PSD3: variants seen among roughly 807,000 people sequenced by gnomAD.
The protein encoded by PSD3 is pleckstrin and Sec7 domain containing 3, also known as PH and SEC7 domain-containing protein 3.
In PSD3, 49 loss-of-function variants were observed where a neutral mutation model predicts 105.5. The ratio of observed to expected loss-of-function variants is 0.46; its 90% CI spans 0.37 to 0.59. The LOEUF (loss-of-function observed/expected upper bound fraction) is 0.59, where lower values mean the gene tolerates loss of function less well. PSD3 is among the 20% of genes least tolerant of loss of function. PSD3 has a pLI of 0.00. For missense variants in PSD3, 1,561 were observed against 1,263.8 expected, an observed-to-expected ratio of 1.24 and a Z score of -3.57; for synonymous variants, 557 against 457.8, an observed-to-expected ratio of 1.22 and a Z score of -2.77.
intron 1 of PSD3, among the ~76,000 whole-genome samples, chr8:19,010,931 G>A (rs867112301): frequency 1.3e-5 from 2 of 151,332 alleles, no homozygotes; most frequent in African/African-American, 4.9e-5. Context: ...CCCCTAAATG[G>A]TGAGAATCAC....
At chr8:18,867,248 TC>T (rs1586271498) in intron 4 of PSD3, among the ~76,000 whole-genome samples, 1 of 152,326 alleles carries the variant, frequency 6.6e-6, no homozygotes, top group East Asian at 1.9e-4. Context: ...GACTGTATAG[TC>T]CACCACTTTA....
At chr8:18,868,101 T>C (rs1817085750) in intron 3 of PSD3, 32 bp from the exon 4 acceptor site, 4 of 1,550,508 alleles carry the variant, frequency 2.6e-6, no homozygotes, top group Middle Eastern at 1.7e-4. Flanking sequence ...AGAATTCCAA[T>C]ATTAGGTTAA....
intron 1 of PSD3, among the ~76,000 whole-genome samples, chr8:19,066,197 C>G (rs1364787125): frequency 6.6e-6 from 1 of 152,182 alleles, no homozygotes; most frequent in African/African-American, 2.4e-5. Context: ...CTGGTAGGTA[C>G]TACCAACTGG....
At chr8:18,982,901 T>C (rs1168151134) in intron 1 of PSD3, among the ~76,000 whole-genome samples, 1 of 152,190 alleles carries the variant, frequency 6.6e-6, no homozygotes, top group East Asian at 1.9e-4. Context: ...ACCAGCTGCA[T>C]TAGCCCCTAA....
intron 12 of PSD3, among the ~76,000 whole-genome samples, chr8:18,592,657 G>A (rs1357464029): frequency 6.6e-6 from 1 of 152,102 alleles, no homozygotes; most frequent in Non-Finnish European, 1.5e-5. Flanking sequence ...AGGGCCAGAA[G>A]TGACTGTGAT....
At chr8:18,655,370 C>T (rs190532171) in intron 10 of PSD3, among the ~76,000 whole-genome samples, 1 of 151,320 alleles carries the variant, frequency 6.6e-6, no homozygotes, top group Admixed American at 6.6e-5. Flanking sequence ...TAATTACCTA[C>T]AGGTACAGCA....
chr8:18,946,647 C>T (rs1822871120), intron 1 of PSD3, among the ~76,000 whole-genome samples: 1 of 151,310 alleles, frequency 6.6e-6, no homozygotes, highest in Non-Finnish European at 1.5e-5. Context: ...CGCCTGTAAT[C>T]CTAGCATTTT....
intron 2 of PSD3, among the ~76,000 whole-genome samples, chr8:18,916,887 G>GAAA (rs113682944): frequency 6.6e-6 from 1 of 150,808 alleles, no homozygotes; most frequent in African/African-American, 2.4e-5. Flanking sequence ...TGAAGGAAAT[G>GAAA]AAAAAAAAGG....
At chr8:19,028,188 C>T (rs940681437) in intron 1 of PSD3, among the ~76,000 whole-genome samples, 2 of 151,730 alleles carry the variant, frequency 1.3e-5, no homozygotes, top group Non-Finnish European at 2.9e-5. Context: ...ATAAATGATA[C>T]TGAGCATCCA....
At chr8:18,550,025 C>T (rs936585135) in intron 15 of PSD3, among the ~76,000 whole-genome samples, 1 of 152,162 alleles carries the variant, frequency 6.6e-6, no homozygotes, top group African/African-American at 2.4e-5. Context: ...CAATCTAGTC[C>T]TTTTTCTAAT....
chr8:18,674,338 T>C (rs1340138434), intron 9 of PSD3, among the ~76,000 whole-genome samples: 2 of 152,216 alleles, frequency 1.3e-5, no homozygotes, highest in Non-Finnish European at 2.9e-5. Flanking sequence ...GATCTATTTC[T>C]TTCTTTAGTA....
chr8:18,766,194 C>T lies in PSD3; in HGVS notation c.2083-656G>A, dbSNP rs548422132. Among the ~76,000 whole-genome samples, 27 of 151,752 alleles carry T rather than the reference C, an allele frequency of 1.8e-4. 1 individual carries two copies. Among genetic ancestry groups the T allele is most frequent in the East Asian group, 3.9e-4 (2 of 5,110 alleles). On this transcript the variant is annotated intron_variant, in intron 8 of 15. Transcript: ENST00000327040. ...ACTAAAAATACAAAATTTAGCCAGG[C>T]GTGGTGGCAGGCGCCTGTAGTCCTA...
chr8:18,842,442 G>C (rs1814702528), intron 4 of PSD3, among the ~76,000 whole-genome samples: 1 of 152,228 alleles, frequency 6.6e-6, no homozygotes, highest in African/African-American at 2.4e-5. Flanking sequence ...TCACAAAATT[G>C]TATGGCTTTG....
chr8:19,078,877 AGACT>A (rs1260758055), intron 1 of PSD3, among the ~76,000 whole-genome samples: 1 of 151,608 alleles, frequency 6.6e-6, no homozygotes, highest in Non-Finnish European at 1.5e-5. Flanking sequence ...GGATCAGAGA[AGACT>A]GAAGAATGGG....
At chr8:18,865,276 ATATATATATATTTTTTTTTTTTTTT>A (rs1816831597) in intron 4 of PSD3, 3 of 2,056 alleles carry the variant, frequency 1.5e-3, no homozygotes, top group African/African-American at 5.6e-3. Context: ...ATATATATAT[ATATATATATATTTTTTTTTTTTTTT>A]TTTTTTTTAA....
intron 9 of PSD3, among the ~76,000 whole-genome samples, chr8:18,685,494 T>C (rs191897205): frequency 3.7e-4 from 56 of 152,254 alleles, no homozygotes; most frequent in Non-Finnish European, 1.2e-4. Context: ...ACGAAGACAT[T>C]AATATTGGTA....
chr8:18,968,105 C>A (rs1307950820), intron 1 of PSD3, among the ~76,000 whole-genome samples: 1 of 152,182 alleles, frequency 6.6e-6, no homozygotes, highest in Non-Finnish European at 1.5e-5. Flanking sequence ...TTTATGTCCA[C>A]ATTTCTATAG....
At position 18,533,480 on chromosome 8, in the gene PSD3, G is replaced by C. The variant is rs1275277682; in HGVS notation, c.*2263C>G. The C allele has an allele frequency of 1.3e-5, 2 of 152,176 alleles. No individual in the cohort carries two copies. The highest frequency in any genetic ancestry group is 6.5e-5 in the Admixed American group (1 of 15,278). The allele number at this position is 152,176 out of a possible 1,614,324, so 9.4% of individuals were successfully genotyped here. A position where few individuals can be genotyped will look rare whatever the true frequency, so the allele number is the denominator to read the frequency against. ...CATATGACACGGACAGTGCTATAGT[G>C]GTGCTGATGCTAGCCGAGTATTTCA... On this transcript the variant is annotated 3_prime_UTR_variant, in exon 16 of 16. Transcript: ENST00000327040.
chr8:18,649,015 A>G (rs1808267881), intron 10 of PSD3, among the ~76,000 whole-genome samples: 1 of 152,254 alleles, frequency 6.6e-6, no homozygotes, highest in African/African-American at 2.4e-5. Context: ...CATCTGCGGC[A>G]GGGGTGGAAC....
Sources: gnomAD v4.1 joint callset for allele counts (sites outside exome capture counted in the v4.1 genomes callset) on GRCh38, gnomAD v4.1.1 for gene constraint, MANE v1.5 for transcripts, NCBI Gene and HGNC (gene_info 2026-07-23, HGNC 2026-07-21) for gene names.